The following TMEM200C variants were observed in gnomAD, a reference collection of about 807,000 sequenced individuals.
The protein encoded by TMEM200C is transmembrane protein 200C.
For missense variants in TMEM200C, 966 were observed against 699.9 expected, an observed-to-expected ratio of 1.38 and a Z score of -4.29; for synonymous variants, 462 against 324.7, an observed-to-expected ratio of 1.42 and a Z score of -4.55.
chr18:5,893,165 T>C (rs1459232906), intron 2 of TMEM200C, among the ~76,000 whole-genome samples: 1 of 152,206 alleles, frequency 6.6e-6, no homozygotes, highest in African/African-American at 2.4e-5. Flanking sequence ...TGACCCCTTA[T>C]TAAGGTGCCA....
rs560284606 is a variant in TMEM200C, at chr18:5,894,289, C to G, written c.-95+741G>C. On this transcript the variant is annotated intron_variant, in intron 2 of 2. Transcript: ENST00000581347. ...ATTTCAACAGTCCTTTACCGCACAT[C>G]TTTAAAATGAGTTTAATAGCTAGTA... 4.6e-5 allele frequency among the ~76,000 whole-genome samples: 7 copies of G among 152,314 alleles called. 1 individual carries two copies. Among genetic ancestry groups the G allele is most frequent in the African/African-American group, 1.2e-4 (5 of 41,566 alleles).
exon 3 of TMEM200C, chr18:5,887,062 T>G (rs1386655167): frequency 6.6e-6 from 1 of 152,156 alleles, no homozygotes; most frequent in Admixed American, 6.6e-5. Context: ...AAAAGGAAAT[T>G]GAGACACAGA....
exon 3 of TMEM200C, chr18:5,884,990 T>C (rs2095164330): frequency 6.6e-6 from 1 of 152,210 alleles, no homozygotes; most frequent in Non-Finnish European, 1.5e-5. Flanking sequence ...AATGTTGTGT[T>C]GAATTTCTTA....
exon 3 of TMEM200C, chr18:5,892,075 G>C: frequency 1.2e-6 from 2 of 1,608,098 alleles, no homozygotes; most frequent in Non-Finnish European, 1.7e-6. Flanking sequence ...GCGAGCTCCT[G>C]GAGTGCAGGA....
At position 5,891,156 on chromosome 18, in the gene TMEM200C, G is replaced by A. The variant is rs2095170437; in HGVS notation, c.908C>T (p.Pro303Leu). The change falls in exon 3 of 3, where the codon CCG (proline) becomes CTG (leucine). Residue 303 changes from proline to leucine, a missense_variant. Coordinates refer to ENST00000581347, the Ensembl canonical transcript of TMEM200C. The surrounding 1 kb of genome is among the most constrained non-coding windows in gnomAD (Gnocchi z 4.7). Reference sequence around the variant, plus strand: ...ACAGCGCGGGGAAGAGGCCAGGTCCGGCGGGGACGCGGCGCCCCGAGGGCG... The same window carrying A: ...ACAGCGCGGGGAAGAGGCCAGGTCCAGCGGGGACGCGGCGCCCCGAGGGCG... The A allele has an allele frequency of 1.9e-6, 1 of 534,928 alleles. No individual in the cohort carries two copies. Among genetic ancestry groups the A allele is most frequent in the Non-Finnish European group, 2.9e-6 (1 of 349,634 alleles). 33.1% of individuals were successfully genotyped at this position (534,928 alleles called of 1,614,324 possible).
At chr18:5,895,480 G>A (rs1236643783) in exon 2 of TMEM200C, 1 of 149,678 alleles carries the variant, frequency 6.7e-6, no homozygotes, top group Non-Finnish European at 1.5e-5. Context: ...GGCGGCTGTT[G>A]CTAAGAGACC....
At chr18:5,892,138 T>C (rs1405739246) in exon 3 of TMEM200C, 6 of 1,377,170 alleles carry the variant, frequency 4.4e-6, no homozygotes, top group Non-Finnish European at 5.9e-6. Flanking sequence ...GCCCACTAGC[T>C]GCTCAGCCAC....
chr18:5,887,966 T>C (rs148162829), exon 3 of TMEM200C: 1 of 152,352 alleles, frequency 6.6e-6, no homozygotes, highest in East Asian at 1.9e-4. Context: ...CAGTATTCTG[T>C]CCACCCCTCC....
chr18:5,884,163 A>T (rs2144427097), exon 3 of TMEM200C: 1 of 152,300 alleles, frequency 6.6e-6, no homozygotes, highest in African/African-American at 2.4e-5. Context: ...TCTATAGATC[A>T]GAGATATATA....
exon 3 of TMEM200C, chr18:5,883,428 T>G (rs2095163165): frequency 1.3e-5 from 2 of 152,166 alleles, no homozygotes. Flanking sequence ...TGGCCAAATC[T>G]GTTTTCAGTG....
chr18:5,890,129 GTTA>G (rs1485435546), exon 3 of TMEM200C: 36 of 1,429,192 alleles, frequency 2.5e-5, no homozygotes, highest in South Asian at 2.2e-4. Flanking sequence ...ACAGGGACCT[GTTA>G]ATGCACTGAT....
exon 3 of TMEM200C, chr18:5,883,136 T>C (rs2095162945): frequency 6.6e-6 from 1 of 152,134 alleles, no homozygotes; most frequent in Admixed American, 6.6e-5. Flanking sequence ...TTAAATTTTA[T>C]CTATAATGCA....
At chr18:5,887,444 T>C (rs1224976060) in exon 3 of TMEM200C, 6 of 152,200 alleles carry the variant, frequency 3.9e-5, no homozygotes, top group African/African-American at 1.2e-4. Context: ...GAAAGGGATC[T>C]GGCAGGAAAT....
chr18:5,890,443 G>T (rs1280267248), exon 3 of TMEM200C: 1 of 1,577,358 alleles, frequency 6.3e-7, no homozygotes, highest in Non-Finnish European at 8.6e-7. Flanking sequence ...CCGGCCTCCC[G>T]CAGGGGTGTG....
chr18:5,895,388 G>C (rs1328218266), exon 2 of TMEM200C: 5 of 151,136 alleles, frequency 3.3e-5, no homozygotes, highest in African/African-American at 1.2e-4. Flanking sequence ...GCCGGCCCTC[G>C]CGCCTCTTTT....
chr18:5,890,203 T>G (rs752961900), exon 3 of TMEM200C: 1 of 1,546,858 alleles, frequency 6.5e-7, no homozygotes, highest in Non-Finnish European at 8.8e-7. Flanking sequence ...TTTCTCTAAA[T>G]GCCTGTGCTT....
exon 3 of TMEM200C, chr18:5,885,718 A>C (rs2095164854): frequency 6.6e-6 from 1 of 152,178 alleles, no homozygotes; most frequent in Non-Finnish European, 1.5e-5. Context: ...TGGTGGCTTA[A>C]TAGATAAAAC....
At chr18:5,894,579 C>T (rs908509077) in intron 2 of TMEM200C, among the ~76,000 whole-genome samples, 1 of 152,224 alleles carries the variant, frequency 6.6e-6, no homozygotes, top group Admixed American at 6.5e-5. Flanking sequence ...AATACAACTG[C>T]TTCCAAGAGA....
At chr18:5,886,477 G>A (rs758828316) in exon 3 of TMEM200C, 2 of 152,128 alleles carry the variant, frequency 1.3e-5, no homozygotes, top group Non-Finnish European at 2.9e-5. Flanking sequence ...CATTGCAGCA[G>A]CATAAGCCCT....
Sources: allele counts gnomAD v4.1 joint callset (sites outside exome capture counted in the v4.1 genomes callset), GRCh38; gene constraint gnomAD v4.1.1; non-coding constraint Gnocchi (gnomAD v3.1); transcripts MANE v1.5; gene names NCBI Gene and HGNC (gene_info 2026-07-23, HGNC 2026-07-21).